Variants in MAPT observed in about 807,000 individuals in gnomAD.
The protein encoded by MAPT is microtubule associated protein tau, also known as microtubule-associated protein tau.
A neutral mutation model predicts 67.9 loss-of-function variants in MAPT; 34 were observed. The ratio of observed to expected loss-of-function variants is 0.50; its 90% CI spans 0.38 to 0.67. The LOEUF (loss-of-function observed/expected upper bound fraction) is 0.67, where lower values mean the gene tolerates loss of function less well. Ranked by LOEUF, MAPT falls within the 30% of genes least tolerant of loss-of-function variation. The pLI is 0.00. For missense variants in MAPT, 881 were observed against 1,115.2 expected, an observed-to-expected ratio of 0.79 and a Z score of 2.99; for synonymous variants, 456 against 464.5, an observed-to-expected ratio of 0.98 and a Z score of 0.23.
At chr17:45,926,573 G>A (rs780075273) in intron 1 of MAPT, among the ~76,000 whole-genome samples, 11 of 152,018 alleles carry the variant, frequency 7.2e-5, no homozygotes, top group South Asian at 2.1e-4. Context: ...TCGGCCTCCC[G>A]AAGTGCTGGG....
At chr17:45,913,426 C>T (rs1240588446) in intron 1 of MAPT, among the ~76,000 whole-genome samples, 1 of 152,236 alleles carries the variant, frequency 6.6e-6, no homozygotes, top group Non-Finnish European at 1.5e-5. Context: ...CAGTTACCAA[C>T]CCTTCCAGAT....
rs149280278 is a variant in MAPT at position 46,010,346 on chromosome 17, G to A, written c.2035G>A (p.Val679Ile). The A allele has an allele frequency of 2.7e-5, 42 of 1,581,954 alleles. No homozygotes were observed. The Admixed American group carries it at 3.6e-4, about 14-fold the overall frequency. The change falls in exon 10 of 13, where the codon GTC becomes ATC. Residue 679 changes from valine (V) to isoleucine (I), a missense_variant. Around this residue, in one of 6 missense-constraint regions of MAPT, gnomAD observed 34 missense variants for 51.2 expected, o/e 0.66. Transcript: ENST00000262410. The surrounding 1 kb of genome is among the most constrained non-coding windows in gnomAD (Gnocchi z 4.7). Reference protein sequence around the residue: ...IINKKLDLSNVQSKCGSKDNI... With the variant: ...IINKKLDLSNIQSKCGSKDNI... The stretch of plus-strand genomic sequence containing the variant: ...TAATAAGAAGCTGGATCTTAGCAAC[G>A]TCCAGTCCAAGTGTGGCTCAAAGGA...
intron 1 of MAPT, among the ~76,000 whole-genome samples, chr17:45,941,685 T>TCCTTCCCC (rs2067941463): frequency 3.6e-5 from 1 of 28,094 alleles, no homozygotes. Flanking sequence ...CTTCCCTCCT[T>TCCTTCCCC]CCTTCCTTCC....
At chr17:45,918,220 G>A (rs2065377253) in intron 1 of MAPT, among the ~76,000 whole-genome samples, 1 of 152,234 alleles carries the variant, frequency 6.6e-6, no homozygotes, top group Non-Finnish European at 1.5e-5. Flanking sequence ...TGGCTGGTCT[G>A]TTCTTGGCCA....
chr17:45,982,047 G>GA lies in MAPT; in HGVS notation c.287-809dup, dbSNP rs1193341266. ...AAAAAAAAAAAAGAAAGAAAGAAAG[G>GA]AAAAAAAAAACTCATGCCTGTAATC... On this transcript the variant is annotated intron_variant, in intron 4 of 12. Transcript: ENST00000262410. 8.7e-3 allele frequency among the ~76,000 whole-genome samples: 1,239 copies of GA among 143,100 alleles called. 32 individuals carry two copies. Among genetic ancestry groups the GA allele is most frequent in the African/African-American group, 0.029 (1,157 of 39,446 alleles). The allele number at this position is 143,100 out of a possible 152,430, so 93.9% of individuals were successfully genotyped here. A position where few individuals can be genotyped will look rare whatever the true frequency, so the allele number is the denominator to read the frequency against.
intron 1 of MAPT, among the ~76,000 whole-genome samples, chr17:45,930,300 A>G (rs1393172007): frequency 1.3e-5 from 2 of 152,006 alleles, no homozygotes; most frequent in Admixed American, 1.3e-4. Context: ...CCAGCTACTC[A>G]AGAGGCTGAG....
chr17:45,941,345 T>TCC (rs2067832582), intron 1 of MAPT, among the ~76,000 whole-genome samples: 1 of 152,162 alleles, frequency 6.6e-6, no homozygotes, highest in Non-Finnish European at 1.5e-5. Context: ...GGTCTTTTCT[T>TCC]AAGGCTCTTG....
chr17:45,930,397 A>G (rs1204989302), intron 1 of MAPT, among the ~76,000 whole-genome samples: 1 of 147,116 alleles, frequency 6.8e-6, no homozygotes, highest in African/African-American at 2.5e-5. Context: ...ACAGAGCAAG[A>G]TTCTGTCTCC....
intron 2 of MAPT, among the ~76,000 whole-genome samples, chr17:45,964,939 C>T (rs949917208): frequency 6.6e-6 from 1 of 152,176 alleles, no homozygotes; most frequent in Non-Finnish European, 1.5e-5. Flanking sequence ...ACCTCAACCC[C>T]GAAGGTTAGC....
chr17:45,920,423 G>A (rs1201698546), intron 1 of MAPT, among the ~76,000 whole-genome samples: 1 of 152,182 alleles, frequency 6.6e-6, no homozygotes, highest in Non-Finnish European at 1.5e-5. Flanking sequence ...GAGTGGCTAG[G>A]CCACCTTCCC....
chr17:45,990,457 T>C, intron 7 of MAPT: 1 of 433,220 alleles, frequency 2.3e-6, no homozygotes, highest in South Asian at 1.7e-5. Context: ...CTACTAAAAA[T>C]ACAAAAATTA....
intron 9 of MAPT, among the ~76,000 whole-genome samples, chr17:45,997,979 G>T (rs1244794124): frequency 6.6e-6 from 1 of 152,134 alleles, no homozygotes; most frequent in Non-Finnish European, 1.5e-5. Flanking sequence ...GCACTGGGGA[G>T]CTGGGGAAGG....
rs1182909774 is a variant in MAPT at position 45,903,819 on chromosome 17, A to AT, written c.-18+9133_-18+9134insT. Among the ~76,000 whole-genome samples, 10 of 7,226 alleles carry AT rather than the reference A, an allele frequency of 1.4e-3. 1 individual carries two copies. Among genetic ancestry groups the AT allele is most frequent in the Admixed American group, 6.0e-3 (2 of 336 alleles). 4.7% of individuals were successfully genotyped at this position (7,226 alleles called of 152,430 possible). On this transcript the variant is annotated intron_variant, in intron 1 of 12. Transcript: ENST00000262410. ...ATATATTTATATAATATAATATATA[A>AT]ATATATTATATATTATATATTTTAT...
intron 8 of MAPT, chr17:45,993,798 C>G (rs1427781214): frequency 3.4e-6 from 3 of 890,480 alleles, no homozygotes; most frequent in Non-Finnish European, 5.5e-6. Flanking sequence ...CCCCTTGGGC[C>G]CCTCGACCTT....
chr17:45,930,583 C>T (rs2066759406), intron 1 of MAPT, among the ~76,000 whole-genome samples: 1 of 152,196 alleles, frequency 6.6e-6, no homozygotes, highest in African/African-American at 2.4e-5. Context: ...AGTCACTTGT[C>T]CCAGGCCACA....
chr17:45,982,824 C>T (rs2145635467), intron 4 of MAPT, 42 bp from the exon 5 acceptor site: 5 of 1,128,134 alleles, frequency 4.4e-6, no homozygotes, highest in Non-Finnish European at 4.4e-6. Flanking sequence ...GCGATTAATG[C>T]GCCCTTGCTA....
intron 4 of MAPT, among the ~76,000 whole-genome samples, chr17:45,982,018 C>CA (rs1264327504): frequency 0.013 from 1,093 of 84,512 alleles, 20 homozygotes; most frequent in South Asian, 0.04. Context: ...GACCCTGTCT[C>CA]AAAAAAAAAA....
At chr17:45,901,015 G>T (rs948798796) in intron 1 of MAPT, among the ~76,000 whole-genome samples, 8 of 152,152 alleles carry the variant, frequency 5.3e-5, no homozygotes, top group African/African-American at 1.9e-4. Flanking sequence ...GGAATCAGTT[G>T]TACAGATAAA....
chr17:46,021,911 G>A (rs1225385151), intron 12 of MAPT, among the ~76,000 whole-genome samples: 5 of 152,152 alleles, frequency 3.3e-5, no homozygotes, highest in Non-Finnish European at 7.4e-5. Context: ...GAGAAAAATT[G>A]CTAACAAGCA....
Sources: allele counts gnomAD v4.1 joint callset (sites outside exome capture counted in the v4.1 genomes callset), GRCh38; gene constraint gnomAD v4.1.1; regional missense constraint gnomAD v4.1.1; non-coding constraint Gnocchi (gnomAD v3.1); transcripts MANE v1.5; gene names NCBI Gene and HGNC (gene_info 2026-07-23, HGNC 2026-07-21).